The following CSMD2 variants were observed in gnomAD, a reference collection of about 807,000 sequenced individuals.
CSMD2 encodes CUB and sushi domain-containing protein 2.
Under a neutral mutation model 398.5 loss-of-function variants are expected in CSMD2, and 130 were observed. That is an observed-to-expected ratio of 0.33 (90% CI 0.28 to 0.38). CSMD2 has a LOEUF of 0.38. Among genes scored for constraint, CSMD2 ranks in the 10% least tolerant of loss-of-function variants. CSMD2 has a pLI of 1.00. For synonymous variants in CSMD2, 1,828 were observed against 1,908.5 expected, an observed-to-expected ratio of 0.96 and a Z score of 1.10; for missense variants, 3,829 against 4,764.9, an observed-to-expected ratio of 0.80 and a Z score of 5.78.
chr1:33,817,334 C>T (rs531966654), intron 9 of CSMD2, among the ~76,000 whole-genome samples: 1 of 152,278 alleles, frequency 6.6e-6, no homozygotes, highest in African/African-American at 2.4e-5. Context: ...GTACCCTCCA[C>T]CACCGTCAGG....
intron 2 of CSMD2, among the ~76,000 whole-genome samples, chr1:34,073,286 T>C (rs1655946841): frequency 6.6e-6 from 1 of 152,232 alleles, no homozygotes; most frequent in African/African-American, 2.4e-5. Context: ...TTTGATAAAA[T>C]CCATAATGCC....
At chr1:34,082,611 T>C (rs1445829708) in intron 2 of CSMD2, among the ~76,000 whole-genome samples, 1 of 152,190 alleles carries the variant, frequency 6.6e-6, no homozygotes, top group Non-Finnish European at 1.5e-5. Context: ...ATGATGACGA[T>C]GGCGGTTTTG....
intron 13 of CSMD2, among the ~76,000 whole-genome samples, chr1:33,757,238 C>T (rs1382297729): frequency 6.6e-6 from 1 of 152,006 alleles, no homozygotes; most frequent in Non-Finnish European, 1.5e-5. Flanking sequence ...AGCACACCAG[C>T]ATGGCACATG....
chr1:33,945,734 G>A (rs1215156112), intron 3 of CSMD2, among the ~76,000 whole-genome samples: 1 of 152,132 alleles, frequency 6.6e-6, no homozygotes, highest in African/African-American at 2.4e-5. Context: ...AAGAGCATTA[G>A]GCTGGCACCA....
intron 1 of CSMD2, among the ~76,000 whole-genome samples, chr1:34,160,224 A>C (rs890484997): frequency 2.0e-5 from 3 of 152,202 alleles, no homozygotes; most frequent in Non-Finnish European, 2.9e-5. Context: ...CACCTTCAAC[A>C]AAGCCACACA....
chr1:33,545,155 TCA>T (rs1487629124), intron 57 of CSMD2, among the ~76,000 whole-genome samples: 2 of 152,142 alleles, frequency 1.3e-5, no homozygotes, highest in Non-Finnish European at 2.9e-5. Flanking sequence ...ATCTTCTCAC[TCA>T]AACTTACTCT....
rs141700499 is a variant in CSMD2, at chr1:33,798,508, G to C, written c.1447-5982C>G. ...GTGGGTCTGGGCCTGGCGGGATGGAGAAGGGTGTGTGTGGGCTCAGCCCAG... is the reference window on the plus strand; with the variant it reads ...GTGGGTCTGGGCCTGGCGGGATGGACAAGGGTGTGTGTGGGCTCAGCCCAG... On this transcript the variant is annotated intron_variant, in intron 10 of 70. Coordinates refer to ENST00000373381, the MANE Select transcript of CSMD2 (RefSeq NM_001281956.2). 9.5e-4 allele frequency among the ~76,000 whole-genome samples: 145 copies of C among 152,348 alleles called. No individual in the cohort carries two copies. The East Asian group carries it at 0.021, about 22-fold the overall frequency.
intron 11 of CSMD2, among the ~76,000 whole-genome samples, chr1:33,791,347 G>C (rs1445399810): frequency 6.6e-6 from 1 of 152,188 alleles, no homozygotes; most frequent in Non-Finnish European, 1.5e-5. Flanking sequence ...TGATGCAAAA[G>C]TTTCCATCCC....
In CSMD2 at chr1:33,714,842, A is replaced by G. The variant is rs1340488268; in HGVS notation, c.3218-67T>C. On this transcript the variant is annotated intron_variant, in intron 20 of 70. Coordinates refer to ENST00000373381, the MANE Select transcript of CSMD2 (RefSeq NM_001281956.2). ...GGAGACACAAAGCAAAAAGATGGGA[A>G]CGCACAGGCAAAACACCAGGGGGAA... 3 of 1,515,926 alleles carry G rather than the reference A, an allele frequency of 2.0e-6. No homozygotes were observed. The East Asian group carries it at 6.9e-5, about 35-fold the overall frequency. The allele number at this position is 1,515,926 out of a possible 1,614,324, so 93.9% of individuals were successfully genotyped here.
chr1:33,737,762 T>A (rs1489924471), intron 15 of CSMD2, among the ~76,000 whole-genome samples: 1 of 152,176 alleles, frequency 6.6e-6, no homozygotes, highest in Non-Finnish European at 1.5e-5. Context: ...TGATTGAGCA[T>A]CTACCAAGTA....
At chr1:33,912,687 C>A (rs374224498) in intron 5 of CSMD2, among the ~76,000 whole-genome samples, 2 of 152,174 alleles carry the variant, frequency 1.3e-5, no homozygotes, top group African/African-American at 2.4e-5. Context: ...TCCCTGCCCC[C>A]CTACTCTGTG....
At chr1:33,921,230 T>C (rs1643927806) in intron 4 of CSMD2, among the ~76,000 whole-genome samples, 1 of 152,180 alleles carries the variant, frequency 6.6e-6, no homozygotes, top group Non-Finnish European at 1.5e-5. Context: ...TTGGCCTTGC[T>C]TGGCTTTAAA....
At chr1:33,561,458 A>G (rs1658535313) in intron 53 of CSMD2, among the ~76,000 whole-genome samples, 1 of 152,230 alleles carries the variant, frequency 6.6e-6, no homozygotes, top group Non-Finnish European at 1.5e-5. Flanking sequence ...GGTTGCTTTG[A>G]AAATAGATTC....
At chr1:33,824,713 G>A (rs559628039) in intron 7 of CSMD2, among the ~76,000 whole-genome samples, 27 of 152,228 alleles carry the variant, frequency 1.8e-4, no homozygotes, top group African/African-American at 6.3e-4. Flanking sequence ...TCAGGGACAG[G>A]AAGACAAGCA....
At chr1:33,573,085 T>C (rs1659741674) in intron 49 of CSMD2, among the ~76,000 whole-genome samples, 1 of 152,158 alleles carries the variant, frequency 6.6e-6, no homozygotes, top group Non-Finnish European at 1.5e-5. Context: ...GCTGTTATGG[T>C]GGGAGTTGGC....
intron 25 of CSMD2, among the ~76,000 whole-genome samples, chr1:33,686,768 T>C (rs902389562): frequency 2.6e-5 from 4 of 152,192 alleles, no homozygotes; most frequent in Non-Finnish European, 5.9e-5. Flanking sequence ...GGAAATAGCC[T>C]CATCGGCTAG....
chr1:34,112,647 G>C (rs1257071028), intron 1 of CSMD2, among the ~76,000 whole-genome samples: 8 of 152,134 alleles, frequency 5.3e-5, no homozygotes, highest in Non-Finnish European at 1.0e-4. Flanking sequence ...AAAATCAAAA[G>C]TATATGTTGA....
intron 13 of CSMD2, among the ~76,000 whole-genome samples, chr1:33,751,008 C>T (rs1322280643): frequency 6.6e-6 from 1 of 151,968 alleles, no homozygotes; most frequent in Non-Finnish European, 1.5e-5. Context: ...GTGCAAGTTA[C>T]TACATTTAAA....
At chr1:33,918,358 C>T in intron 4 of CSMD2, 57 bp from the exon 5 acceptor site, 1 of 1,421,646 alleles carries the variant, frequency 7.0e-7, no homozygotes, top group Non-Finnish European at 9.8e-7. Flanking sequence ...AGCCCTAGCA[C>T]TCACCATGGG....
Sources: allele counts gnomAD v4.1 joint callset (sites outside exome capture counted in the v4.1 genomes callset), GRCh38; gene constraint gnomAD v4.1.1; transcripts MANE v1.5; gene names NCBI Gene and HGNC (gene_info 2026-07-23, HGNC 2026-07-21).